Variants in NEK10 observed in about 807,000 individuals in gnomAD.
NEK10 encodes NIMA related kinase 10.
NEK10 carries 122 observed loss-of-function variants against 159.8 expected under a neutral mutation model. That is an observed-to-expected ratio of 0.76 (90% CI 0.66 to 0.89). The LOEUF (loss-of-function observed/expected upper bound fraction) is 0.89, where lower values mean the gene tolerates loss of function less well. Among genes scored for constraint, NEK10 ranks in the 40% least tolerant of loss-of-function variants. NEK10 has a pLI of 0.00. For synonymous variants in NEK10, 466 were observed against 457.1 expected (o/e 1.02, Z -0.25); for missense variants, 1,342 against 1,323.1 (o/e 1.01, Z -0.22).
intron 25 of NEK10, among the ~76,000 whole-genome samples, chr3:27,193,828 GTC>G (rs1433399038): frequency 8.6e-5 from 13 of 151,860 alleles, no homozygotes; most frequent in Non-Finnish European, 1.6e-4. Context: ...TACTATAATG[GTC>G]TGTTTCACCA....
chr3:27,131,538 C>T (rs555369136), intron 32 of NEK10, among the ~76,000 whole-genome samples: 26 of 152,206 alleles, frequency 1.7e-4, no homozygotes, highest in South Asian at 8.3e-4. Context: ...TTCAGAGTGA[C>T]AAATCTCAAT....
intron 30 of NEK10, among the ~76,000 whole-genome samples, chr3:27,157,331 T>G (rs553545997): frequency 6.6e-6 from 1 of 152,106 alleles, no homozygotes; most frequent in South Asian, 2.1e-4. Flanking sequence ...TTTAAAAAAT[T>G]ATGATGAATG....
At chr3:27,236,547 G>C (rs959070127) in intron 23 of NEK10, among the ~76,000 whole-genome samples, 3 of 152,138 alleles carry the variant, frequency 2.0e-5, no homozygotes, top group Non-Finnish European at 4.4e-5. Flanking sequence ...GAGAAATAAA[G>C]AGAAAGAATA....
chr3:27,143,192 C>T (rs1456363033), intron 30 of NEK10, among the ~76,000 whole-genome samples: 1 of 152,150 alleles, frequency 6.6e-6, no homozygotes, highest in Non-Finnish European at 1.5e-5. Context: ...TTCGTCTAGA[C>T]CCAAAACAAA....
At chr3:27,293,400 C>A (rs1170705212) in intron 16 of NEK10, among the ~76,000 whole-genome samples, 188 bp downstream of exon 16, 1 of 152,166 alleles carries the variant, frequency 6.6e-6, no homozygotes, top group African/African-American at 2.4e-5. Context: ...TGTTAATATT[C>A]AGTGTGGCTG....
At chr3:27,189,451 A>G (rs1948923038) in intron 26 of NEK10, among the ~76,000 whole-genome samples, 1 of 152,086 alleles carries the variant, frequency 6.6e-6, no homozygotes, top group South Asian at 2.1e-4. Context: ...TACTGAACCC[A>G]CTAATTTCTC....
At chr3:27,149,021 A>G (rs1343658622) in intron 30 of NEK10, among the ~76,000 whole-genome samples, 1 of 152,122 alleles carries the variant, frequency 6.6e-6, no homozygotes, top group East Asian at 1.9e-4. Flanking sequence ...ATGAAGAATG[A>G]GGAAGCAAAT....
At chr3:27,172,162 C>T (rs990697012) in intron 28 of NEK10, among the ~76,000 whole-genome samples, 1 of 151,532 alleles carries the variant, frequency 6.6e-6, no homozygotes, top group Non-Finnish European at 1.5e-5. Flanking sequence ...CATGAAACCC[C>T]GTCCCTACTA....
intron 30 of NEK10, among the ~76,000 whole-genome samples, chr3:27,160,316 G>T (rs1320539664): frequency 6.6e-6 from 1 of 152,126 alleles, no homozygotes; most frequent in African/African-American, 2.4e-5. Flanking sequence ...GTAATGACTG[G>T]ATTACAGCAT....
chr3:27,108,739 G>A lies in NEK10; in HGVS notation c.*2533C>T, dbSNP rs572637171. On this transcript the variant is annotated 3_prime_UTR_variant, in exon 36 of 36. Transcript: ENST00000691995. ...CCTTTGCACTAATAGACAGTTTGGA[G>A]AATCAAAACAAAATGATCATTCTTG... Among the ~76,000 whole-genome samples the A allele has an allele frequency of 6.6e-6, 1 of 152,280 alleles. No individual in the cohort carries two copies. The highest frequency in any genetic ancestry group is 2.1e-4 in the South Asian group (1 of 4,830).
At chr3:27,118,075 A>G (rs2125431091) in intron 33 of NEK10, among the ~76,000 whole-genome samples, 1 of 152,258 alleles carries the variant, frequency 6.6e-6, no homozygotes, top group Non-Finnish European at 1.5e-5. Flanking sequence ...TAAATAAGGA[A>G]TCCTTTCCCC....
intron 23 of NEK10, among the ~76,000 whole-genome samples, chr3:27,232,272 A>G (rs1051407653): frequency 1.3e-5 from 2 of 151,932 alleles, no homozygotes; most frequent in African/African-American, 4.8e-5. Flanking sequence ...ACCAAGAATG[A>G]CCAAGCTGAG....
At chr3:27,193,679 T>A (rs928008956) in intron 25 of NEK10, among the ~76,000 whole-genome samples, 1 of 148,714 alleles carries the variant, frequency 6.7e-6, no homozygotes, top group Non-Finnish European at 1.5e-5. Context: ...ATCTCTTATA[T>A]ACTTGCCAAA....
At chr3:27,345,788 T>C (rs1277733786) in intron 4 of NEK10, among the ~76,000 whole-genome samples, 1 of 152,220 alleles carries the variant, frequency 6.6e-6, no homozygotes, top group African/African-American at 2.4e-5. Flanking sequence ...CAGACAAAGA[T>C]TGGGACAAGC....
chr3:27,227,758 A>G (rs1952786969), intron 23 of NEK10, among the ~76,000 whole-genome samples: 2 of 152,244 alleles, frequency 1.3e-5, no homozygotes, highest in South Asian at 4.1e-4. Flanking sequence ...ACAGGTATAA[A>G]CAGAGAATAA....
chr3:27,351,540 G>A (rs143726110), intron 3 of NEK10, among the ~76,000 whole-genome samples: 16 of 152,112 alleles, frequency 1.1e-4, no homozygotes, highest in African/African-American at 3.4e-4. Context: ...GTAAAGCAGC[G>A]GGCACATAGA....
At chr3:27,260,015 A>C (rs1003276193) in intron 22 of NEK10, among the ~76,000 whole-genome samples, 3 of 151,998 alleles carry the variant, frequency 2.0e-5, no homozygotes, top group African/African-American at 4.8e-5. Flanking sequence ...ATTTGGCTCT[A>C]TGTTTTTCTG....
At chr3:27,352,568 A>G in intron 2 of NEK10, 43 bp from the exon 3 acceptor site, 1 of 1,425,764 alleles carries the variant, frequency 7.0e-7, no homozygotes, top group African/African-American at 1.4e-5. Flanking sequence ...AGAAGGCTCC[A>G]GGTGAACAAG....
At chr3:27,279,102 C>T in intron 22 of NEK10, 1 of 178,834 alleles carries the variant, frequency 5.6e-6, no homozygotes. Context: ...TATTCTGCTT[C>T]CTCATCAAAG....
Sources: gnomAD v4.1 joint callset for allele counts (sites outside exome capture counted in the v4.1 genomes callset) on GRCh38, gnomAD v4.1.1 for gene constraint, MANE v1.5 for transcripts, NCBI Gene and HGNC (gene_info 2026-07-23, HGNC 2026-07-21) for gene names.